The following NTRK1 variants were observed in gnomAD, a reference collection of about 807,000 sequenced individuals.
NTRK1 encodes the protein neurotrophic receptor tyrosine kinase 1.
A neutral mutation model predicts 86.8 loss-of-function variants in NTRK1; 62 were observed. The ratio of observed to expected loss-of-function variants is 0.71; its 90% confidence interval spans 0.58 to 0.88. The LOEUF (loss-of-function observed/expected upper bound fraction) is 0.88. Among genes scored for constraint, NTRK1 ranks in the 40% least tolerant of loss-of-function variants. The pLI is 0.00. For synonymous variants in NTRK1, 469 were observed against 456.6 expected, an observed-to-expected ratio of 1.03 and a Z score of -0.35; for missense variants, 967 against 1,078.4, an observed-to-expected ratio of 0.90 and a Z score of 1.45.
intron 1 of NTRK1, among the ~76,000 whole-genome samples, chr1:156,817,884 C>A (rs1399790732): frequency 6.6e-6 from 1 of 152,150 alleles, no homozygotes; most frequent in Non-Finnish European, 1.5e-5. Flanking sequence ...GTCAAGTGAT[C>A]CACCCACCTC....
At chr1:156,847,433 T>C (rs1002056072) in intron 2 of NTRK1, among the ~76,000 whole-genome samples, 1 of 152,140 alleles carries the variant, frequency 6.6e-6, no homozygotes, top group African/African-American at 2.4e-5. Context: ...CTGGGGGAGA[T>C]GACAGTGGGC....
At chr1:156,842,864 C>A (rs1654848396) in intron 2 of NTRK1, 6 of 697,658 alleles carry the variant, frequency 8.6e-6, no homozygotes, top group Non-Finnish European at 1.2e-5. Flanking sequence ...CTAACCATGA[C>A]CTTTACCCCA....
intron 1 of NTRK1, among the ~76,000 whole-genome samples, chr1:156,832,690 C>T (rs1027641091): frequency 2.0e-5 from 3 of 152,118 alleles, no homozygotes; most frequent in Non-Finnish European, 2.9e-5. Flanking sequence ...GGCCTGCCTG[C>T]GAGCTTTGTG....
chr1:156,876,099 CCG>C lies in NTRK1; in HGVS notation c.1522_1523del (p.Arg508GlyfsTer20). The C allele has an allele frequency of 6.2e-7, 1 of 1,614,222 alleles. No homozygotes were observed. ...CCTCAGGTGTTCACCACATCAAGCG[CCG>C]GGACATCGTGCTCAAGTGGGAGCTG... ...SDACVHHIKR[R>X]DIVLKWELGE... On this transcript the variant is annotated frameshift_variant, in exon 13 of 17. Coordinates refer to ENST00000524377, the MANE Select transcript of NTRK1 (RefSeq NM_002529.4). LOFTEE classifies it high-confidence loss of function.
chr1:156,819,891 C>T (rs112122016), intron 1 of NTRK1, among the ~76,000 whole-genome samples: 4,963 of 152,198 alleles, frequency 0.033, 322 homozygotes, highest in African/African-American at 0.11. Context: ...GGATGCACAG[C>T]TTGAGAATGT....
intron 1 of NTRK1, chr1:156,816,757 C>T (rs375906323): frequency 3.2e-5 from 49 of 1,532,914 alleles, no homozygotes; most frequent in East Asian, 9.8e-5. Flanking sequence ...GTATGTGTTC[C>T]GGAAAGGTGT....
chr1:156,871,506 C>G, intron 6 of NTRK1, 117 bp from the exon 7 acceptor site: 2 of 1,101,398 alleles, frequency 1.8e-6, no homozygotes, highest in Non-Finnish European at 2.7e-6. Flanking sequence ...CCCTTCTCTT[C>G]CCTCCCAGCC....
At chr1:156,857,163 ATGTGTGTGTGTGTGTGTGTGTG>A (rs57324546), upstream of NTRK1, among the ~76,000 whole-genome samples, 1,328 of 130,642 alleles carry the variant, frequency 0.01, 24 homozygotes, top group African/African-American at 0.034. Context: ...GCAGCTGTGT[ATGTGTGTGTGTGTGTGTGTGTG>A]TGTGTGTGTG....
chr1:156,873,581 G>T (rs1647694674), intron 7 of NTRK1, 52 bp from the exon 8 acceptor site: 2 of 1,509,356 alleles, frequency 1.3e-6, no homozygotes, highest in East Asian at 4.6e-5. Flanking sequence ...TGTGTGCCAG[G>T]CTCCCTCCAG....
chr1:156,852,612 C>T (rs1463275585), intron 2 of NTRK1, among the ~76,000 whole-genome samples: 10 of 152,328 alleles, frequency 6.6e-5, no homozygotes, highest in Admixed American at 5.2e-4. Flanking sequence ...CGACATCTGT[C>T]GTTTTACCCA....
At chr1:156,824,443 G>C in intron 1 of NTRK1, among the ~76,000 whole-genome samples, 1 of 152,232 alleles carries the variant, frequency 6.6e-6, no homozygotes, top group East Asian at 1.9e-4. Flanking sequence ...TGATTTGGGA[G>C]TCTGGGCCAC....
At chr1:156,849,020 G>A in intron 2 of NTRK1, 1 of 1,613,488 alleles carries the variant, frequency 6.2e-7, no homozygotes, top group African/African-American at 1.3e-5. Context: ...CGTCACGTTG[G>A]ACACGAAGCG....
intron 4 of NTRK1, among the ~76,000 whole-genome samples, chr1:156,867,179 G>C (rs41476747): frequency 2.0e-5 from 3 of 152,266 alleles, no homozygotes; most frequent in Non-Finnish European, 2.9e-5. Context: ...GCCCTGAGGA[G>C]CTGGCCTGGA....
In NTRK1 at chr1:156,874,594, C is replaced by A. The variant is rs2102910053; in HGVS notation, c.1219C>A (p.Pro407Thr). Residue 407 changes from proline to threonine, a missense_variant, in exon 10 of 17, where the codon CCG becomes ACG. Physicochemically the swap from Pro to Thr is conservative, Grantham distance 38. Coordinates refer to ENST00000524377, the MANE Select transcript of NTRK1 (RefSeq NM_002529.4). ...AGACACTAACAGCACATCTGGAGAC[C>A]CGGTGGAGAAGAAGGACGAAACACC... ...PVDTNSTSGDPVEKKDETPFG... is the reference protein window; with the variant it reads ...PVDTNSTSGDTVEKKDETPFG... The A allele has an allele frequency of 6.2e-7, 1 of 1,614,114 alleles. No individual in the cohort carries two copies. Among genetic ancestry groups the A allele is most frequent in the Non-Finnish European group, 8.5e-7 (1 of 1,180,008 alleles).
At chr1:156,840,908 C>G in intron 1 of NTRK1, 4 of 1,614,044 alleles carry the variant, frequency 2.5e-6, no homozygotes, top group Non-Finnish European at 3.4e-6. Context: ...GGGCTGCAGT[C>G]TCTTGGAGTG....
At position 156,851,363 on chromosome 1, in the gene NTRK1, G is replaced by T. The variant is rs1655198899; in HGVS notation, c.50+9170G>T. 2.2e-5 allele frequency: 35 copies of T among 1,613,966 alleles called. No individual in the cohort carries two copies. The highest frequency in any genetic ancestry group is 2.7e-5 in the Non-Finnish European group (32 of 1,179,966). ...CCCAGGGACACGAGGGCAAAGGAGT[G>T]CTTGATTTTGAGGAAGCCAGTAATG... On this transcript the variant is annotated intron_variant, in intron 2 of 16. Transcript: ENST00000392302.
At chr1:156,834,888 T>G (rs909276973) in intron 1 of NTRK1, among the ~76,000 whole-genome samples, 1 of 151,850 alleles carries the variant, frequency 6.6e-6, no homozygotes, top group South Asian at 2.1e-4. Flanking sequence ...GGGGAAGGCC[T>G]CAAGGGGTGT....
At chr1:156,832,771 A>T (rs148433011) in intron 1 of NTRK1, among the ~76,000 whole-genome samples, 62 of 152,316 alleles carry the variant, frequency 4.1e-4, no homozygotes, top group African/African-American at 1.5e-3. Context: ...GAGTTTCATC[A>T]TCCTCATTCC....
At chr1:156,828,045 T>C (rs1416543838) in intron 1 of NTRK1, among the ~76,000 whole-genome samples, 7 of 152,174 alleles carry the variant, frequency 4.6e-5, no homozygotes, top group Admixed American at 4.6e-4. Flanking sequence ...ACTCCTGGGC[T>C]GAAGCAATCC....
Sources: gnomAD v4.1 joint callset for allele counts (sites outside exome capture counted in the v4.1 genomes callset) on GRCh38, gnomAD v4.1.1 for gene constraint, MANE v1.5 for transcripts, NCBI Gene and HGNC (gene_info 2026-07-23, HGNC 2026-07-21) for gene names.